Variants in MYT1L observed in about 807,000 individuals in gnomAD.
MYT1L encodes the protein myelin transcription factor 1 like, also known as myelin transcription factor 1-like protein.
Under a neutral mutation model 126.7 loss-of-function variants are expected in MYT1L, and 12 were observed. The ratio of observed to expected loss-of-function variants is 0.09; its 90% CI spans 0.06 to 0.15. The LOEUF is 0.15. MYT1L is among the 10% of genes least tolerant of loss of function. MYT1L has a pLI of 1.00. For missense variants in MYT1L, 979 were observed against 1,585.2 expected (o/e 0.62, Z 6.49); for synonymous variants, 541 against 604.2 (o/e 0.90, Z 1.53).
chr2:1,817,786 C>T (rs1019420135), intron 21 of MYT1L, among the ~76,000 whole-genome samples: 11 of 152,188 alleles, frequency 7.2e-5, no homozygotes, highest in African/African-American at 2.4e-4. Flanking sequence ...CGGCTGGTCC[C>T]GGGTGTAAAT....
rs1390835462 is a variant in MYT1L, at chr2:1,956,387, ATTCT to A, written c.153-13057_153-13054del. On this transcript the variant is annotated intron_variant, in intron 8 of 24. Transcript: ENST00000647738. ...TCATCTATCCTATTCTATATTTCCT[ATTCT>A]TTCTATCTGTCTGTCTATCTATCTA... Among the ~76,000 whole-genome samples, 27 of 108,988 alleles carry A rather than the reference ATTCT, an allele frequency of 2.5e-4. 3 individuals are homozygous for A. Among genetic ancestry groups the A allele is most frequent in the African/African-American group, 2.1e-4 (5 of 23,880 alleles). The allele number at this position is 108,988 out of a possible 152,430, so 71.5% of individuals were successfully genotyped here.
intron 2 of MYT1L, among the ~76,000 whole-genome samples, chr2:2,253,692 A>C (rs2094722833): frequency 6.6e-6 from 1 of 152,068 alleles, no homozygotes; most frequent in Non-Finnish European, 1.5e-5. Flanking sequence ...GCAGGGCAGG[A>C]GAGCAAGTCG....
At chr2:2,289,468 A>T (rs2095567757) in intron 1 of MYT1L, among the ~76,000 whole-genome samples, 1 of 152,252 alleles carries the variant, frequency 6.6e-6, no homozygotes, top group Non-Finnish European at 1.5e-5. Flanking sequence ...TATATCTTAT[A>T]GAAAAGCTGG....
intron 3 of MYT1L, among the ~76,000 whole-genome samples, chr2:2,169,149 T>A (rs185935539): frequency 6.6e-6 from 1 of 152,142 alleles, no homozygotes; most frequent in South Asian, 2.1e-4. Flanking sequence ...GATGATGGGG[T>A]AGAATTAGGA....
chr2:2,260,974 CT>C (rs951480352), intron 2 of MYT1L, among the ~76,000 whole-genome samples: 1 of 152,180 alleles, frequency 6.6e-6, no homozygotes, highest in Non-Finnish European at 1.5e-5. Context: ...GGAGCCTGTC[CT>C]TGATACTTTG....
At chr2:1,975,992 T>C (rs1275347527) in intron 8 of MYT1L, among the ~76,000 whole-genome samples, 2 of 152,082 alleles carry the variant, frequency 1.3e-5, no homozygotes, top group African/African-American at 2.4e-5. Context: ...CAAGTTCCAA[T>C]ACATCAACAC....
intron 12 of MYT1L, among the ~76,000 whole-genome samples, chr2:1,911,092 G>A (rs765303558): frequency 4.6e-5 from 7 of 152,130 alleles, no homozygotes; most frequent in Non-Finnish European, 1.0e-4. Context: ...GAGGTTTGAC[G>A]GAGGCCCTGA....
At chr2:2,103,705 G>GTGCAGCTGCTTCTTTTCTCACTTA (rs2078392145) in intron 3 of MYT1L, among the ~76,000 whole-genome samples, 1 of 152,218 alleles carries the variant, frequency 6.6e-6, no homozygotes, top group Non-Finnish European at 1.5e-5. Flanking sequence ...TCCATCCCCA[G>GTGCAGCTGCTTCTTTTCTCACTTA]TGCAGCTGCT....
chr2:1,814,044 G>GAAA (rs35538068), intron 21 of MYT1L, among the ~76,000 whole-genome samples: 2 of 137,554 alleles, frequency 1.5e-5, no homozygotes, highest in Non-Finnish European at 3.1e-5. Flanking sequence ...AAAAAAAAAA[G>GAAA]AAAGAAAAAT....
At chr2:1,837,481 G>C (rs568754744) in intron 21 of MYT1L, among the ~76,000 whole-genome samples, 1 of 152,310 alleles carries the variant, frequency 6.6e-6, no homozygotes, top group Non-Finnish European at 1.5e-5. Flanking sequence ...ATTTTGGCAT[G>C]ATCTGTCAAA....
intron 3 of MYT1L, among the ~76,000 whole-genome samples, chr2:2,116,281 C>T (rs1455521219): frequency 2.6e-5 from 4 of 152,226 alleles, no homozygotes; most frequent in South Asian, 2.1e-4. Context: ...TTCCATGTTA[C>T]GTTCTTGAAG....
At chr2:2,005,337 TG>T (rs1040865045) in intron 4 of MYT1L, among the ~76,000 whole-genome samples, 2 of 145,014 alleles carry the variant, frequency 1.4e-5, no homozygotes, top group African/African-American at 5.1e-5. Context: ...CGTTCTTTCC[TG>T]TGTGCCTTTC....
chr2:2,063,136 A>C (rs2070751743), intron 3 of MYT1L, among the ~76,000 whole-genome samples: 1 of 152,124 alleles, frequency 6.6e-6, no homozygotes. Context: ...ACTCATCTTT[A>C]AATTTCTAAG....
intron 3 of MYT1L, among the ~76,000 whole-genome samples, chr2:2,093,287 G>A (rs1230994923): frequency 1.4e-5 from 2 of 143,698 alleles, no homozygotes; most frequent in African/African-American, 5.1e-5. Context: ...GACACAGAAG[G>A]GAGAAAACTG....
chr2:2,236,534 C>A (rs2149101284), intron 2 of MYT1L, among the ~76,000 whole-genome samples: 1 of 149,520 alleles, frequency 6.7e-6, no homozygotes, highest in South Asian at 2.2e-4. Context: ...CAGCACATCC[C>A]AACCCAGCCC....
intron 3 of MYT1L, among the ~76,000 whole-genome samples, chr2:2,057,755 C>T (rs1031130106): frequency 1.8e-4 from 28 of 152,314 alleles, no homozygotes; most frequent in Admixed American, 9.2e-4. Flanking sequence ...TCTGGAGCTT[C>T]CATCTGGGTT....
chr2:2,275,684 C>A (rs142276974), intron 2 of MYT1L, among the ~76,000 whole-genome samples: 3 of 152,298 alleles, frequency 2.0e-5, no homozygotes, highest in Non-Finnish European at 4.4e-5. Flanking sequence ...CCTTTCATTT[C>A]AATATGTACC....
chr2:1,969,318 G>A (rs2059629249), intron 8 of MYT1L, among the ~76,000 whole-genome samples: 1 of 152,232 alleles, frequency 6.6e-6, no homozygotes, highest in Non-Finnish European at 1.5e-5. Flanking sequence ...CTTCAGATTT[G>A]TCTATGCCGT....
At chr2:1,946,064 A>T (rs1259081436) in intron 8 of MYT1L, among the ~76,000 whole-genome samples, 2 of 152,122 alleles carry the variant, frequency 1.3e-5, no homozygotes, top group Non-Finnish European at 2.9e-5. Context: ...TGCTCGCATG[A>T]CCACCTGAGC....
Sources: allele counts gnomAD v4.1 joint callset (sites outside exome capture counted in the v4.1 genomes callset), GRCh38; gene constraint gnomAD v4.1.1; transcripts MANE v1.5; gene names NCBI Gene and HGNC (gene_info 2026-07-23, HGNC 2026-07-21).